Variants in ARHGAP42 observed in about 807,000 individuals in gnomAD.
ARHGAP42 encodes the protein rho GTPase-activating protein 42.
ARHGAP42 carries 63 observed loss-of-function variants against 125.0 expected under a neutral mutation model. That is an observed-to-expected ratio of 0.50 (90% CI 0.41 to 0.62). The LOEUF (loss-of-function observed/expected upper bound fraction) is 0.62, where lower values mean the gene tolerates loss of function less well. Among genes scored for constraint, ARHGAP42 ranks in the 20% least tolerant of loss-of-function variants. The pLI is 0.00. For synonymous variants in ARHGAP42, 339 were observed against 351.0 expected, an observed-to-expected ratio of 0.97 and a Z score of 0.38; for missense variants, 766 against 1,024.2, an observed-to-expected ratio of 0.75 and a Z score of 3.44.
rs1865397732 is a variant in ARHGAP42, at chr11:100,859,599, C to T, written c.358C>T (p.Arg120Ter). The part of the protein sequence containing the change: ...DVLIAPLEKF[R>*]KEQIGAAKDG... ...ATTAATTGCACCACTTGAGAAATTT[C>T]GAAAAGAACAGATAGGTGCAGCAAA... is the stretch of plus-strand genomic sequence containing the variant. Residue 120 changes from arginine to a stop codon, truncating the protein, a stop_gained, in exon 4 of 24, where the codon CGA (arginine) becomes TGA (stop). Transcript: ENST00000298815. LOFTEE classifies it high-confidence loss of function. The T allele has an allele frequency of 6.6e-7, 1 of 1,522,462 alleles. No homozygotes were observed. The highest frequency in any genetic ancestry group is 8.8e-7 in the Non-Finnish European group (1 of 1,135,784). The allele number at this position is 1,522,462 out of a possible 1,614,324, so 94.3% of individuals were successfully genotyped here.
chr11:100,856,094 A>G (rs1231373629), intron 3 of ARHGAP42, among the ~76,000 whole-genome samples: 1 of 151,928 alleles, frequency 6.6e-6, no homozygotes, highest in Non-Finnish European at 1.5e-5. Context: ...CTCTGACTTG[A>G]TTTTTCCCCC....
intron 3 of ARHGAP42, among the ~76,000 whole-genome samples, chr11:100,850,086 AATC>A (rs1284119736): frequency 6.6e-6 from 1 of 152,216 alleles, no homozygotes; most frequent in Admixed American, 6.5e-5. Context: ...AGCCAAGAAC[AATC>A]ATCATTATTC....
chr11:100,769,298 G>A (rs116063468), intron 1 of ARHGAP42, among the ~76,000 whole-genome samples: 77 of 152,322 alleles, frequency 5.1e-4, no homozygotes, highest in African/African-American at 1.7e-3. Context: ...AGGTCACATA[G>A]CAAGTAAGTG....
intron 4 of ARHGAP42, among the ~76,000 whole-genome samples, chr11:100,890,960 AG>A (rs1198737841): frequency 6.6e-6 from 1 of 152,142 alleles, no homozygotes; most frequent in Non-Finnish European, 1.5e-5. Context: ...GTTCTCTCCA[AG>A]GGGGCTGTTG....
chr11:100,985,737 C>T lies in ARHGAP42; in HGVS notation c.2457-1776C>T, dbSNP rs530670963. On this transcript the variant is annotated intron_variant, in intron 22 of 23. Transcript: ENST00000298815. ...AGCTTTCTGAAAGTACAGCCTGAGG[C>T]TCACCTCTGATGAAAAGACTGGAGG... Among the ~76,000 whole-genome samples, 257 of 152,332 alleles carry T rather than the reference C, an allele frequency of 1.7e-3. 1 individual carries two copies. The highest frequency in any genetic ancestry group is 5.9e-3 in the African/African-American group (246 of 41,570).
At chr11:100,794,623 A>G (rs1194052247) in intron 2 of ARHGAP42, among the ~76,000 whole-genome samples, 1 of 152,194 alleles carries the variant, frequency 6.6e-6, no homozygotes, top group Non-Finnish European at 1.5e-5. Flanking sequence ...GTTTTCAATT[A>G]TCTGTGACCC....
intron 3 of ARHGAP42, among the ~76,000 whole-genome samples, chr11:100,857,736 T>A (rs1214919863): frequency 2.0e-5 from 3 of 152,088 alleles, no homozygotes; most frequent in Non-Finnish European, 4.4e-5. Flanking sequence ...TCCTCTCTCT[T>A]TCTCCCTCTA....
intron 3 of ARHGAP42, among the ~76,000 whole-genome samples, chr11:100,809,390 A>G: frequency 6.6e-6 from 1 of 152,242 alleles, no homozygotes; most frequent in East Asian, 1.9e-4. Context: ...AGCTATTTTC[A>G]GAAACAAAGG....
At chr11:100,729,338 T>C (rs976251563) in intron 1 of ARHGAP42, among the ~76,000 whole-genome samples, 3 of 151,896 alleles carry the variant, frequency 2.0e-5, no homozygotes, top group African/African-American at 4.8e-5. Flanking sequence ...AATTAATATA[T>C]CTAAATTTTG....
chr11:100,795,847 G>A (rs912927131), intron 3 of ARHGAP42, among the ~76,000 whole-genome samples: 1 of 152,130 alleles, frequency 6.6e-6, no homozygotes, highest in Non-Finnish European at 1.5e-5. Context: ...GCAGCACCTG[G>A]CACATAGTAA....
chr11:100,728,275 C>T (rs1861895323), intron 1 of ARHGAP42, among the ~76,000 whole-genome samples: 1 of 152,136 alleles, frequency 6.6e-6, no homozygotes, highest in Admixed American at 6.5e-5. Flanking sequence ...TGTGCTCCCA[C>T]CTGCAAAAGG....
intron 3 of ARHGAP42, among the ~76,000 whole-genome samples, chr11:100,842,835 G>T (rs1196561746): frequency 6.6e-6 from 1 of 151,954 alleles, no homozygotes; most frequent in Non-Finnish European, 1.5e-5. Flanking sequence ...TAAGAGGAAA[G>T]TTTATAGCCC....
chr11:100,711,195 G>T (rs1861560093), intron 1 of ARHGAP42, among the ~76,000 whole-genome samples: 1 of 152,216 alleles, frequency 6.6e-6, no homozygotes, highest in Non-Finnish European at 1.5e-5. Context: ...TCTGTTGGCT[G>T]AAGCTTGACC....
chr11:100,756,074 T>C (rs1333664043), intron 1 of ARHGAP42, among the ~76,000 whole-genome samples: 1 of 152,000 alleles, frequency 6.6e-6, no homozygotes, highest in Non-Finnish European at 1.5e-5. Flanking sequence ...TTTCTAAAAT[T>C]GGATAGAGGT....
At chr11:100,726,204 G>C in intron 1 of ARHGAP42, among the ~76,000 whole-genome samples, 1 of 152,076 alleles carries the variant, frequency 6.6e-6, no homozygotes, top group Non-Finnish European at 1.5e-5. Flanking sequence ...AAGAAGAGAT[G>C]TAACGAGCAA....
chr11:100,894,428 G>T (rs1017063689), intron 4 of ARHGAP42, among the ~76,000 whole-genome samples: 1 of 152,158 alleles, frequency 6.6e-6, no homozygotes, highest in Non-Finnish European at 1.5e-5. Flanking sequence ...AATACTGAAG[G>T]ATAACAAAAT....
intron 4 of ARHGAP42, among the ~76,000 whole-genome samples, chr11:100,909,997 A>C (rs1412613061): frequency 6.6e-6 from 1 of 152,194 alleles, no homozygotes; most frequent in Non-Finnish European, 1.5e-5. Context: ...ATTTGAGTGT[A>C]TAAAATGGAC....
chr11:100,954,410 A>G (rs957214850), intron 12 of ARHGAP42, among the ~76,000 whole-genome samples: 3 of 152,274 alleles, frequency 2.0e-5, no homozygotes, highest in African/African-American at 7.2e-5. Flanking sequence ...CCTTATACAA[A>G]ATTGAAGGGA....
chr11:100,817,243 T>C (rs1483456018), intron 3 of ARHGAP42, among the ~76,000 whole-genome samples: 1 of 152,216 alleles, frequency 6.6e-6, no homozygotes, highest in African/African-American at 2.4e-5. Context: ...AGACCAATAA[T>C]GTTGCCTTCT....
Sources: gnomAD v4.1 joint callset for allele counts (sites outside exome capture counted in the v4.1 genomes callset) on GRCh38, gnomAD v4.1.1 for gene constraint, MANE v1.5 for transcripts, NCBI Gene and HGNC (gene_info 2026-07-23, HGNC 2026-07-21) for gene names.